The following FRMPD2 variants were observed in gnomAD, a reference collection of about 807,000 sequenced individuals.
FRMPD2 encodes the protein FERM and PDZ domain-containing protein 2.
In FRMPD2, 96 loss-of-function variants were observed where a neutral mutation model predicts 140.1. The ratio of observed to expected loss-of-function variants is 0.69; its 90% confidence interval spans 0.58 to 0.81. The LOEUF is 0.81. Ranked by LOEUF, FRMPD2 falls within the 40% of genes least tolerant of loss-of-function variation. The probability of loss-of-function intolerance (pLI) is 0.00; values close to 1 mark genes in which losing one functional copy is unlikely to be tolerated. For synonymous variants in FRMPD2, 449 were observed against 547.6 expected (o/e 0.82, Z 2.52); for missense variants, 1,240 against 1,447.4 (o/e 0.86, Z 2.32).
chr10:48,184,657 G>A lies in FRMPD2; in HGVS notation c.2493C>T (p.His831=), dbSNP rs761449018. The change falls in exon 20 of 29, where the codon CAC becomes CAT. Residue 831 remains histidine, a synonymous_variant. Coordinates refer to ENST00000374201, the MANE Select transcript of FRMPD2 (RefSeq NM_001018071.4). Reference sequence around the variant, plus strand: ...TGAATGTGAAGCCCTCCAGACTGATGTGATTCAGGGCTAGTATCTGCCCTC... The same window carrying A: ...TGAATGTGAAGCCCTCCAGACTGATATGATTCAGGGCTAGTATCTGCCCTC... ...KPGGQILALN[H]ISLEGFTFNM... is the part of the protein sequence containing the mutation. The A allele has an allele frequency of 3.5e-5, 56 of 1,612,986 alleles. No individual in the cohort carries two copies. Among genetic ancestry groups the A allele is most frequent in the Admixed American group, 6.7e-5 (4 of 60,004 alleles).
intron 14 of FRMPD2, 135 bp from the exon 15 acceptor site, chr10:48,201,519 C>G (rs1564423592): frequency 1.6e-6 from 1 of 638,308 alleles, no homozygotes; most frequent in Non-Finnish European, 2.7e-6. Flanking sequence ...CAGATGCTGT[C>G]TGACTATGGC....
At chr10:48,187,446 C>T (rs1218528675) in intron 16 of FRMPD2, among the ~76,000 whole-genome samples, 154 bp from the exon 17 acceptor site, 1 of 152,164 alleles carries the variant, frequency 6.6e-6, no homozygotes, top group Non-Finnish European at 1.5e-5. Context: ...CCAGCAGCTC[C>T]TCAGAGGGAC....
chr10:48,180,679 T>A lies in FRMPD2; in HGVS notation c.2790+124A>T, dbSNP rs1588809260. ...TGAGGAAGCTGTGGCTCAAAGGGGC[T>A]AAGTAACTTCCATCCACCTGACATG... is the stretch of plus-strand genomic sequence containing the variant. On this transcript the variant is annotated intron_variant, in intron 21 of 28. Transcript: ENST00000374201. The A allele has an allele frequency of 5.0e-6, 4 of 796,362 alleles. No homozygotes were observed. The East Asian group carries it at 9.9e-5, about 20-fold the overall frequency. 49.3% of individuals were successfully genotyped at this position (796,362 alleles called of 1,614,324 possible).
At chr10:48,211,231 T>C (rs959717947) in intron 13 of FRMPD2, among the ~76,000 whole-genome samples, 1 of 152,232 alleles carries the variant, frequency 6.6e-6, no homozygotes, top group African/African-American at 2.4e-5. Context: ...CTATTCATCA[T>C]TGTGTGTGCC....
At chr10:48,240,583 A>C in intron 5 of FRMPD2, 91 bp from the exon 6 acceptor site, 1 of 1,548,034 alleles carries the variant, frequency 6.5e-7, no homozygotes, top group Admixed American at 1.7e-5. Flanking sequence ...GACTGAATCA[A>C]TGTGGAATTG....
rs1036829356 is a variant in FRMPD2, at chr10:48,206,857, A to G, written c.1688T>C (p.Met563Thr). ...FSEKRRPEEE[M>T]ALGICAKGVI... ...ACCCTTGGCACAGATCCCCAGGGCC[A>G]TCTCCTCTTCTGGCCTCCTCTTCTC... The change falls in exon 14 of 29, where the codon ATG (methionine) becomes ACG (threonine). Residue 563 changes from methionine (M) to threonine (T), a missense_variant. By Grantham distance (81) the Met-to-Thr change is moderately conservative. Coordinates refer to ENST00000374201, the MANE Select transcript of FRMPD2 (RefSeq NM_001018071.4). 6.2e-6 allele frequency: 10 copies of G among 1,613,956 alleles called. No individual in the cohort carries two copies. Among genetic ancestry groups the G allele is most frequent in the Non-Finnish European group, 8.5e-6 (10 of 1,179,948 alleles).
In FRMPD2 at chr10:48,175,116, C is replaced by G. The variant is rs558767117; in HGVS notation, c.2990-161G>C. ...CCTGGAGTCAGCAGGAATCCTGCCT[C>G]TCTGAGCAGTCTCACTCCCTTCTTC... On this transcript the variant is annotated intron_variant, in intron 23 of 28. Coordinates refer to ENST00000374201, the MANE Select transcript of FRMPD2 (RefSeq NM_001018071.4). The G allele has an allele frequency of 5.5e-3, 2,715 of 495,622 alleles. 60 individuals are homozygous for G. Among genetic ancestry groups the G allele is most frequent in the African/African-American group, 0.05 (2,434 of 49,046 alleles). 30.7% of individuals were successfully genotyped at this position (495,622 alleles called of 1,614,324 possible). A position where few individuals can be genotyped will look rare whatever the true frequency, so the allele number is the denominator to read the frequency against.
chr10:48,247,231 T>C (rs1840270720), intron 3 of FRMPD2, among the ~76,000 whole-genome samples: 1 of 152,226 alleles, frequency 6.6e-6, no homozygotes, highest in African/African-American at 2.4e-5. Context: ...TGACTGGGCC[T>C]TCATAAGGTA....
chr10:48,203,516 C>T (rs61840042), intron 14 of FRMPD2, among the ~76,000 whole-genome samples: 5,723 of 152,180 alleles, frequency 0.038, 168 homozygotes, highest in Non-Finnish European at 0.059. Context: ...TAGGTGGGCG[C>T]CATTACTCTT....
At chr10:48,159,809 A>T (rs1363769772) in intron 28 of FRMPD2, among the ~76,000 whole-genome samples, 1 of 151,670 alleles carries the variant, frequency 6.6e-6, no homozygotes, top group Non-Finnish European at 1.5e-5. Context: ...GAGAAAGATA[A>T]CCTTAAACAT....
At chr10:48,240,573 G>C in intron 5 of FRMPD2, 81 bp from the exon 6 acceptor site, 4 of 1,568,848 alleles carry the variant, frequency 2.5e-6, no homozygotes, top group Non-Finnish European at 3.5e-6. Flanking sequence ...CTGGCTGTCA[G>C]ACTGAATCAA....
intron 1 of FRMPD2, among the ~76,000 whole-genome samples, chr10:48,263,610 A>T (rs1353970620): frequency 6.6e-6 from 1 of 152,164 alleles, no homozygotes; most frequent in African/African-American, 2.4e-5. Context: ...GAAATAGATC[A>T]TCTAAGTATG....
chr10:48,271,045 C>T (rs1026199206), intron 1 of FRMPD2, among the ~76,000 whole-genome samples: 2 of 152,206 alleles, frequency 1.3e-5, no homozygotes, highest in Non-Finnish European at 2.9e-5. Flanking sequence ...TGTCACACCT[C>T]GTGAAAACTT....
intron 10 of FRMPD2, among the ~76,000 whole-genome samples, chr10:48,231,568 A>G (rs1186941815): frequency 6.6e-6 from 1 of 152,196 alleles, no homozygotes; most frequent in Non-Finnish European, 1.5e-5. Context: ...AGATGCATCT[A>G]TAGTTCACTA....
In FRMPD2 at chr10:48,249,100, G is replaced by C. The variant is rs1179098635; in HGVS notation, c.230C>G (p.Ser77Cys). 1 of 1,614,102 alleles carries C rather than the reference G, an allele frequency of 6.2e-7. No individual in the cohort carries two copies. ...AGSLSFQGRV[S>C]HIEAAPFKAP... ...CTTGAAAGGAGCAGCCTCTATATGAGAAACACGGCCTTGGAAAGAAAGGCT... is the reference window on the plus strand; with the variant it reads ...CTTGAAAGGAGCAGCCTCTATATGACAAACACGGCCTTGGAAAGAAAGGCT... The change falls in exon 3 of 29, where the codon TCT (serine) becomes TGT (cysteine). Residue 77 changes from serine (S) to cysteine (C), a missense_variant. This residue lies in a region of FRMPD2 where 1,161 missense variants were observed against 1,055.9 expected (regional missense o/e 1.10). Transcript: ENST00000374201.
intron 15 of FRMPD2, among the ~76,000 whole-genome samples, chr10:48,194,016 G>A (rs1251032789): frequency 2.0e-5 from 3 of 152,222 alleles, no homozygotes; most frequent in African/African-American, 7.2e-5. Context: ...TAAATTAAAT[G>A]TGACCTGCAG....
At chr10:48,187,941 C>A (rs1838728618) in intron 16 of FRMPD2, among the ~76,000 whole-genome samples, 1 of 152,208 alleles carries the variant, frequency 6.6e-6, no homozygotes, top group African/African-American at 2.4e-5. Context: ...GTACTAGAGC[C>A]TAGCAGAATA....
intron 3 of FRMPD2, among the ~76,000 whole-genome samples, chr10:48,245,891 C>G (rs1224693466): frequency 6.6e-6 from 1 of 152,186 alleles, no homozygotes; most frequent in Non-Finnish European, 1.5e-5. Flanking sequence ...TAAAAACACA[C>G]AGTTATTTGA....
rs1222095012 is a variant in FRMPD2 at position 48,164,338 on chromosome 10, C to T, written c.3538-667G>A. 5.3e-4 allele frequency among the ~76,000 whole-genome samples: 80 copies of T among 151,308 alleles called. 1 individual carries two copies. The highest frequency in any genetic ancestry group is 8.2e-4 in the Non-Finnish European group (56 of 67,908). On this transcript the variant is annotated intron_variant, in intron 27 of 28. Transcript: ENST00000374201. ...TAAATAAACAGGTCCTTTGAAATCT[C>T]TTTTGAGCCAGTTTTAACATCTGCC...
Sources: allele counts gnomAD v4.1 joint callset (sites outside exome capture counted in the v4.1 genomes callset), GRCh38; gene constraint gnomAD v4.1.1; regional missense constraint gnomAD v4.1.1; transcripts MANE v1.5; gene names NCBI Gene and HGNC (gene_info 2026-07-23, HGNC 2026-07-21).